The following USP32 variants were observed in gnomAD, a reference collection of about 807,000 sequenced individuals.
The protein encoded by USP32 is ubiquitin specific peptidase 32, also known as ubiquitin carboxyl-terminal hydrolase 32.
Under a neutral mutation model 204.8 loss-of-function variants are expected in USP32, and 59 were observed. The observed-to-expected ratio is 0.29, with a 90% CI of 0.23 to 0.36. USP32 has a LOEUF of 0.36. Among genes scored for constraint, USP32 ranks in the 10% least tolerant of loss-of-function variants. USP32 has a pLI of 1.00. For synonymous variants in USP32, 517 were observed against 678.4 expected (o/e 0.76, Z 3.70); for missense variants, 1,160 against 1,946.4 (o/e 0.60, Z 7.60).
Position 60,226,212 on chromosome 17 carries a change from A to T in USP32, c.1259T>A (p.Ile420Asn), listed in dbSNP as rs200478675. ...YVKYDANPVVIEPSSVLNGGK... is the reference protein window; with the variant it reads ...YVKYDANPVVNEPSSVLNGGK... ...TCCATTCAAAACAGATGATGGCTCAATTACCACAGGGTTGGCATCCTAAAA... is the reference window on the plus strand; with the variant it reads ...TCCATTCAAAACAGATGATGGCTCATTTACCACAGGGTTGGCATCCTAAAA... The change falls in exon 13 of 34, where the codon ATT becomes AAT. Residue 420 changes from isoleucine (I) to asparagine (N), a missense_variant. Coordinates refer to ENST00000300896, the MANE Select transcript of USP32 (RefSeq NM_032582.4). 5.1e-6 allele frequency: 8 copies of T among 1,553,580 alleles called. No individual in the cohort carries two copies. In the African/African-American group the frequency reaches 7.0e-5, roughly 14 times the overall value.
intron 12 of USP32, among the ~76,000 whole-genome samples, chr17:60,231,030 T>C (rs1457666342): frequency 6.6e-6 from 1 of 152,222 alleles, no homozygotes; most frequent in Admixed American, 6.5e-5. Context: ...GATTTCTAAA[T>C]AGGTAAAGTT....
chr17:60,182,754 G>A (rs2084144158), intron 31 of USP32, among the ~76,000 whole-genome samples: 1 of 151,814 alleles, frequency 6.6e-6, no homozygotes, highest in Non-Finnish European at 1.5e-5. Context: ...GGGTGACAGA[G>A]TGAGACCCTG....
intron 12 of USP32, among the ~76,000 whole-genome samples, chr17:60,234,485 C>T (rs1478923803): frequency 2.6e-5 from 4 of 151,108 alleles, no homozygotes; most frequent in Non-Finnish European, 4.4e-5. Flanking sequence ...CCCAGCACTT[C>T]GGGAGGCCGA....
intron 17 of USP32, 89 bp downstream of exon 17, chr17:60,214,531 T>C (rs2085052258): frequency 2.5e-6 from 3 of 1,194,038 alleles, no homozygotes; most frequent in Non-Finnish European, 3.5e-6. Flanking sequence ...ATTGGAACAA[T>C]ACAAAGAAGT....
intron 9 of USP32, chr17:60,258,312 G>GGAT (rs2086367546): frequency 1.1e-5 from 2 of 184,214 alleles, no homozygotes; most frequent in South Asian, 3.1e-4. Flanking sequence ...GTCAGTTTGA[G>GGAT]GATGAGTAAG....
chr17:60,292,465 T>C (rs2145862868), intron 4 of USP32, among the ~76,000 whole-genome samples: 1 of 152,312 alleles, frequency 6.6e-6, no homozygotes, highest in East Asian at 1.9e-4. Flanking sequence ...GCTTCTCCAT[T>C]ACTCTTAGCC....
chr17:60,343,949 G>T (rs1004278765), intron 2 of USP32, among the ~76,000 whole-genome samples: 2 of 151,866 alleles, frequency 1.3e-5, no homozygotes, highest in African/African-American at 2.4e-5. Flanking sequence ...CAGGAGAATC[G>T]CTTGAACCTG....
At chr17:60,408,105 AAAAG>A (rs1463810454) in intron 1 of USP32, among the ~76,000 whole-genome samples, 1 of 152,022 alleles carries the variant, frequency 6.6e-6, no homozygotes, top group South Asian at 2.1e-4. Context: ...CTCAAAAAGA[AAAAG>A]AAAGAAAAAG....
At chr17:60,255,708 T>C (rs1215405172) in intron 9 of USP32, among the ~76,000 whole-genome samples, 3 of 152,224 alleles carry the variant, frequency 2.0e-5, no homozygotes, top group Non-Finnish European at 2.9e-5. Flanking sequence ...ATGCATTCAA[T>C]AGCAAAATTT....
rs2090131067 is a variant in USP32, at chr17:60,422,360, G to A, written c.-9C>T. The A allele has an allele frequency of 3.6e-6, 4 of 1,113,596 alleles. No homozygotes were observed. The South Asian group carries it at 4.7e-5, about 13-fold the overall frequency. The allele number at this position is 1,113,596 out of a possible 1,614,324, so 69.0% of individuals were successfully genotyped here. A position where few individuals can be genotyped will look rare whatever the true frequency, so the allele number is the denominator to read the frequency against. On this transcript the variant is annotated 5_prime_UTR_variant, in exon 1 of 4. Coordinates refer to the USP32 transcript ENST00000588898. ...CGCTCGACCCCGCACATCTTGCTCC[G>A]TTCCCTAGTCCAGATCCCAGCTGGA...
At chr17:60,244,356 C>T (rs916136005) in intron 11 of USP32, among the ~76,000 whole-genome samples, 1 of 151,992 alleles carries the variant, frequency 6.6e-6, no homozygotes, top group African/African-American at 2.4e-5. Flanking sequence ...CAGTCTAAAT[C>T]TTTGGCTTTT....
At chr17:60,343,001 T>C (rs2088696760) in intron 2 of USP32, among the ~76,000 whole-genome samples, 1 of 152,222 alleles carries the variant, frequency 6.6e-6, no homozygotes, top group Non-Finnish European at 1.5e-5. Flanking sequence ...ATCCGTCTTC[T>C]GCATCGATCA....
chr17:60,374,547 G>A (rs2089504093), intron 1 of USP32, among the ~76,000 whole-genome samples: 1 of 151,962 alleles, frequency 6.6e-6, no homozygotes, highest in Admixed American at 6.6e-5. Flanking sequence ...ACAGGCGTGT[G>A]CCTAATTTTT....
intron 1 of USP32, among the ~76,000 whole-genome samples, chr17:60,347,016 AAC>A (rs1388092660): frequency 2.6e-5 from 4 of 152,206 alleles, no homozygotes; most frequent in Non-Finnish European, 4.4e-5. Flanking sequence ...ACGAGAAAAA[AAC>A]ACAGTGAGAT....
chr17:60,365,309 T>C (rs2089291136), intron 1 of USP32, among the ~76,000 whole-genome samples: 1 of 151,970 alleles, frequency 6.6e-6, no homozygotes, highest in South Asian at 2.1e-4. Flanking sequence ...TGAAACCTTG[T>C]CTCTAATGAA....
At chr17:60,207,817 T>G (rs1295843837) in intron 24 of USP32, 2 of 467,870 alleles carry the variant, frequency 4.3e-6, no homozygotes, top group East Asian at 8.1e-5. Flanking sequence ...ACACTCCATA[T>G]AGGCAGCCTT....
intron 11 of USP32, chr17:60,249,250 A>G (rs1026514583): frequency 6.5e-6 from 1 of 153,032 alleles, no homozygotes; most frequent in Non-Finnish European, 1.5e-5. Context: ...GGCAGGTTAC[A>G]AGCCTACCCT....
chr17:60,231,786 AAAG>A (rs2085558469), intron 12 of USP32: 1 of 232,406 alleles, frequency 4.3e-6, no homozygotes, highest in South Asian at 5.3e-5. Flanking sequence ...TAATGATAGA[AAAG>A]ATTTCACCAT....
At chr17:60,274,949 T>C (rs1214948952) in intron 5 of USP32, among the ~76,000 whole-genome samples, 1 of 152,190 alleles carries the variant, frequency 6.6e-6, no homozygotes, top group Non-Finnish European at 1.5e-5. Flanking sequence ...TCAAAGATAC[T>C]CCTCTATCCC....
Sources: allele counts gnomAD v4.1 joint callset (sites outside exome capture counted in the v4.1 genomes callset), GRCh38; gene constraint gnomAD v4.1.1; transcripts MANE v1.5; gene names NCBI Gene and HGNC (gene_info 2026-07-23, HGNC 2026-07-21).